The following TANGO6 variants were observed in gnomAD, a reference collection of about 807,000 sequenced individuals.
TANGO6 encodes transport and golgi organization 6 homolog.
In TANGO6, 90 loss-of-function variants were observed where a neutral mutation model predicts 114.2. The ratio of observed to expected loss-of-function variants is 0.79; its 90% CI spans 0.66 to 0.94. TANGO6 has a LOEUF of 0.94. Ranked by LOEUF, TANGO6 falls within the 40% of genes least tolerant of loss-of-function variation. The probability of loss-of-function intolerance (pLI) is 0.00; values close to 1 mark genes in which losing one functional copy is unlikely to be tolerated. For missense variants in TANGO6, 1,274 were observed against 1,315.3 expected (o/e 0.97, Z 0.49); for synonymous variants, 477 against 509.8 (o/e 0.94, Z 0.87).
chr16:68,956,460 G>A (rs1963530897), intron 14 of TANGO6, among the ~76,000 whole-genome samples: 1 of 152,154 alleles, frequency 6.6e-6, no homozygotes. Flanking sequence ...TAAGGAATAC[G>A]CCTCCAGATG....
intron 13 of TANGO6, 48 bp downstream of exon 13, chr16:68,928,131 C>A (rs1963194035): frequency 1.6e-5 from 24 of 1,488,220 alleles, no homozygotes; most frequent in Non-Finnish European, 2.0e-5. Flanking sequence ...GTGGGGCATT[C>A]ATTCAACTCA....
At chr16:69,076,773 C>A (rs1251094160) in intron 17 of TANGO6, among the ~76,000 whole-genome samples, 1 of 152,174 alleles carries the variant, frequency 6.6e-6, no homozygotes, top group African/African-American at 2.4e-5. Flanking sequence ...GCTTATGGGG[C>A]ACAGTGAACT....
intron 14 of TANGO6, among the ~76,000 whole-genome samples, chr16:68,942,096 G>A (rs1015999297): frequency 2.0e-5 from 3 of 152,130 alleles, no homozygotes; most frequent in East Asian, 1.9e-4. Context: ...TTGAGAGGCC[G>A]AGGCAGGTGG....
chr16:68,958,582 GA>G lies in TANGO6; in HGVS notation c.2702-15438del, dbSNP rs575207508. Among the ~76,000 whole-genome samples, 83 of 151,100 alleles carry G rather than the reference GA, an allele frequency of 5.5e-4. No individual in the cohort carries two copies. The South Asian group carries it at 0.011, about 21-fold the overall frequency. On this transcript the variant is annotated intron_variant, in intron 14 of 17. Transcript: ENST00000261778. ...GGAAAGAAAAGAAAGGAAAGAAAAA[GA>G]AAAAAAACCTCTTTTAATTGCAGAA...
At chr16:68,958,145 T>C (rs1342746736) in intron 14 of TANGO6, among the ~76,000 whole-genome samples, 4 of 148,672 alleles carry the variant, frequency 2.7e-5, no homozygotes, top group African/African-American at 1.0e-4. Context: ...CACTCCAGCC[T>C]GGGCAAGAAG....
Position 68,924,790 on chromosome 16 carries a change from C to CA in TANGO6, c.2128-2770dup, listed in dbSNP as rs1423672711. On this transcript the variant is annotated intron_variant, in intron 12 of 17. Coordinates refer to ENST00000261778, the MANE Select transcript of TANGO6 (RefSeq NM_024562.2). ...GGGTGACAAGAGCAAAATTCCGTCT[C>CA]AAAAAAAAGAAAACAGAAACAAACT... 2.1e-3 allele frequency among the ~76,000 whole-genome samples: 296 copies of CA among 142,324 alleles called. No homozygotes were observed. In the Middle Eastern group the frequency reaches 0.022, roughly 11 times the overall value. 93.4% of individuals were successfully genotyped at this position (142,324 alleles called of 152,430 possible).
In TANGO6 at chr16:69,068,743, C is replaced by G. The variant is rs60035401; in HGVS notation, c.3109-14742C>G. ...TTGTTGTTGTTTTGAGATGGAGTCTCGCTCTTGTCGCCCAGGCTGGAGTGC... is the reference window on the plus strand; with the variant it reads ...TTGTTGTTGTTTTGAGATGGAGTCTGGCTCTTGTCGCCCAGGCTGGAGTGC... On this transcript the variant is annotated intron_variant, in intron 17 of 17. Transcript: ENST00000261778. Among the ~76,000 whole-genome samples the G allele has an allele frequency of 4.9e-3, 745 of 152,206 alleles. 9 individuals are homozygous for G. Among genetic ancestry groups the G allele is most frequent in the African/African-American group, 0.017 (721 of 41,532 alleles).
chr16:68,881,488 T>TG (rs1962461917), intron 7 of TANGO6, among the ~76,000 whole-genome samples: 1 of 152,168 alleles, frequency 6.6e-6, no homozygotes, highest in African/African-American at 2.4e-5. Flanking sequence ...CACTCCAGCC[T>TG]GGGGGATAGA....
At chr16:69,078,197 G>A (rs1960415687) in intron 17 of TANGO6, among the ~76,000 whole-genome samples, 1 of 152,194 alleles carries the variant, frequency 6.6e-6, no homozygotes, top group Admixed American at 6.5e-5. Flanking sequence ...AAAGAAGGCC[G>A]GCACAGCTGG....
At chr16:68,864,856 A>G (rs1367623432) in intron 3 of TANGO6, among the ~76,000 whole-genome samples, 1 of 152,198 alleles carries the variant, frequency 6.6e-6, no homozygotes, top group African/African-American at 2.4e-5. Flanking sequence ...TTGAGATTAT[A>G]TGGGAGTTGC....
At chr16:69,080,696 G>A (rs1234358290) in intron 17 of TANGO6, among the ~76,000 whole-genome samples, 1 of 152,114 alleles carries the variant, frequency 6.6e-6, no homozygotes, top group Admixed American at 6.6e-5. Context: ...CTTTTAATAT[G>A]TACTCTTTTG....
At chr16:69,050,815 G>A (rs1226019753) in intron 17 of TANGO6, among the ~76,000 whole-genome samples, 1 of 151,322 alleles carries the variant, frequency 6.6e-6, no homozygotes, top group African/African-American at 2.4e-5. Flanking sequence ...TGTAGAGATG[G>A]GGTCTCACTA....
At chr16:69,039,943 C>G (rs1959748398) in intron 16 of TANGO6, among the ~76,000 whole-genome samples, 1 of 152,188 alleles carries the variant, frequency 6.6e-6, no homozygotes, top group Non-Finnish European at 1.5e-5. Context: ...TTGGGACCAT[C>G]TTTTTTCCTT....
chr16:68,969,869 CTCT>C (rs987106078), intron 14 of TANGO6, among the ~76,000 whole-genome samples: 5 of 152,194 alleles, frequency 3.3e-5, no homozygotes, highest in Admixed American at 1.3e-4. Context: ...GCCATCGGGT[CTCT>C]TCTTCTTCTT....
intron 17 of TANGO6, among the ~76,000 whole-genome samples, chr16:69,078,249 G>A (rs72789227): frequency 0.078 from 11,906 of 152,214 alleles, 504 homozygotes; most frequent in Non-Finnish European, 0.094. Context: ...GGGAAGGGTC[G>A]GCCTGGGGAG....
At chr16:69,027,416 C>A (rs1260813416) in intron 16 of TANGO6, among the ~76,000 whole-genome samples, 2 of 152,068 alleles carry the variant, frequency 1.3e-5, no homozygotes, top group African/African-American at 4.8e-5. Context: ...ACAGCCTGTT[C>A]CTCAGTTTTT....
chr16:69,056,494 A>G (rs1240715272), intron 17 of TANGO6, among the ~76,000 whole-genome samples: 1 of 152,156 alleles, frequency 6.6e-6, no homozygotes, highest in Non-Finnish European at 1.5e-5. Flanking sequence ...ATAAGCTTAG[A>G]AAATGCTGTA....
chr16:68,900,062 G>T (rs556657154), intron 7 of TANGO6, among the ~76,000 whole-genome samples: 1 of 152,230 alleles, frequency 6.6e-6, no homozygotes, highest in East Asian at 1.9e-4. Context: ...GTAATTACTT[G>T]TTCCTAATAG....
chr16:68,886,970 G>A (rs1439719294), intron 7 of TANGO6, among the ~76,000 whole-genome samples: 2 of 151,054 alleles, frequency 1.3e-5, no homozygotes, highest in Admixed American at 1.3e-4. Flanking sequence ...ACCACACCCA[G>A]CTAATTTTTG....
Sources: allele counts gnomAD v4.1 joint callset (sites outside exome capture counted in the v4.1 genomes callset), GRCh38; gene constraint gnomAD v4.1.1; transcripts MANE v1.5; gene names NCBI Gene and HGNC (gene_info 2026-07-23, HGNC 2026-07-21).